GRM5: variants seen among roughly 807,000 people sequenced by gnomAD.
The protein encoded by GRM5 is glutamate metabotropic receptor 5, also known as metabotropic glutamate receptor 5.
In GRM5, 19 loss-of-function variants were observed where a neutral mutation model predicts 83.1. The ratio of observed to expected loss-of-function variants is 0.23; its 90% CI spans 0.16 to 0.34. GRM5 has a LOEUF of 0.34. Among genes scored for constraint, GRM5 ranks in the 10% least tolerant of loss-of-function variants. The pLI is 1.00. For missense variants in GRM5, 1,160 were observed against 1,588.3 expected (o/e 0.73, Z 4.58); for synonymous variants, 675 against 633.6 (o/e 1.07, Z -0.98).
At chr11:89,001,720 T>C (rs1027079988) in intron 2 of GRM5, among the ~76,000 whole-genome samples, 6 of 152,160 alleles carry the variant, frequency 3.9e-5, no homozygotes, top group African/African-American at 1.4e-4. Flanking sequence ...TTGAGACCTC[T>C]CTATATATTT....
chr11:88,584,221 C>T (rs950034575), intron 7 of GRM5, among the ~76,000 whole-genome samples: 12 of 151,490 alleles, frequency 7.9e-5, no homozygotes, highest in African/African-American at 2.9e-4. Flanking sequence ...CACACACACA[C>T]ACACACACAC....
intron 4 of GRM5, among the ~76,000 whole-genome samples, chr11:88,608,860 C>G (rs532212634): frequency 6.6e-6 from 1 of 152,078 alleles, no homozygotes; most frequent in Non-Finnish European, 1.5e-5. Context: ...GTGCCTAGAA[C>G]AATTTCTGGC....
chr11:88,691,090 T>G (rs1940771166), intron 3 of GRM5, among the ~76,000 whole-genome samples: 2 of 152,176 alleles, frequency 1.3e-5, no homozygotes, highest in Non-Finnish European at 2.9e-5. Flanking sequence ...AAACTAACGT[T>G]AAGCCCTTCA....
chr11:88,599,343 G>T (rs1207912683), intron 5 of GRM5, among the ~76,000 whole-genome samples: 2 of 152,136 alleles, frequency 1.3e-5, no homozygotes, highest in Non-Finnish European at 2.9e-5. Flanking sequence ...TAGAGACAAT[G>T]AATCCTCTCT....
In GRM5 at chr11:89,043,896, C is replaced by T. The variant is rs142234976; in HGVS notation, c.661+3316G>A. Among the ~76,000 whole-genome samples, 13 of 152,186 alleles carry T rather than the reference C, an allele frequency of 8.5e-5. No individual in the cohort carries two copies. The East Asian group carries it at 2.5e-3, about 29-fold the overall frequency. On this transcript the variant is annotated intron_variant, in intron 2 of 9. Transcript: ENST00000305447. ...TACTTCACAGGGTGACAATAGGGTTCCAACACAAACTAGGAAGAAAGTTCT... is the reference window on the plus strand; with the variant it reads ...TACTTCACAGGGTGACAATAGGGTTTCAACACAAACTAGGAAGAAAGTTCT...
chr11:88,574,985 C>CTTTTTTTTTTT (rs796257304), intron 7 of GRM5, among the ~76,000 whole-genome samples: 64 of 116,144 alleles, frequency 5.5e-4, no homozygotes, highest in African/African-American at 1.9e-3. Flanking sequence ...CTTTTCTTTT[C>CTTTTTTTTTTT]TTTTTTTTTT....
At chr11:88,568,735 T>C (rs1403358512) in intron 7 of GRM5, among the ~76,000 whole-genome samples, 1 of 152,056 alleles carries the variant, frequency 6.6e-6, no homozygotes, top group Non-Finnish European at 1.5e-5. Context: ...TGTGGGAGTG[T>C]GTGAAAAGTG....
chr11:88,726,569 A>G (rs973204496), intron 3 of GRM5, among the ~76,000 whole-genome samples: 2 of 152,194 alleles, frequency 1.3e-5, no homozygotes, highest in African/African-American at 4.8e-5. Context: ...AGGAAGAGCA[A>G]TCCCAAGACA....
chr11:88,606,846 G>C (rs1228275068), intron 4 of GRM5, among the ~76,000 whole-genome samples: 1 of 150,958 alleles, frequency 6.6e-6, no homozygotes, highest in Admixed American at 6.6e-5. Context: ...AAGACATATA[G>C]GAAGAGTGTG....
intron 2 of GRM5, among the ~76,000 whole-genome samples, chr11:88,923,324 A>T (rs768375543): frequency 8.5e-5 from 13 of 152,192 alleles, no homozygotes; most frequent in Non-Finnish European, 1.8e-4. Context: ...AGATGAATGG[A>T]TAAGGCAAAT....
At position 88,877,829 on chromosome 11, in the gene GRM5, G is replaced by GA. The variant is rs60787581; in HGVS notation, c.662-27675dup. On this transcript the variant is annotated intron_variant, in intron 2 of 9. Transcript: ENST00000305447. ...TAGGCAACAGAGAGACTCTGTGGAA[G>GA]AAAAAAAAAAAAGCAGAAAGAAAGA... 4.6e-3 allele frequency among the ~76,000 whole-genome samples: 633 copies of GA among 136,994 alleles called. 5 individuals are homozygous for GA. The highest frequency in any genetic ancestry group is 0.014 in the African/African-American group (509 of 36,906). 89.9% of individuals were successfully genotyped at this position (136,994 alleles called of 152,430 possible).
At position 88,687,561 on chromosome 11, in the gene GRM5, TTATATATATATATATATAATATATATATA is replaced by T. The variant is rs1362306738; in HGVS notation, c.912-34187_912-34159del. Reference sequence around the variant, plus strand: ...ATACACACACACACACACATATATATTATATATATATATATATAATATATATATATATATATTCTCCACATGTGCCTACC... The same window carrying T: ...ATACACACACACACACACATATATATTATATATTCTCCACATGTGCCTACC... On this transcript the variant is annotated intron_variant, in intron 3 of 9. Transcript: ENST00000305447. Among the ~76,000 whole-genome samples, 5 of 3,258 alleles carry T rather than the reference TTATATATATATATATATAATATATATATA, an allele frequency of 1.5e-3. 1 individual carries two copies. Among genetic ancestry groups the T allele is most frequent in the African/African-American group, 2.5e-3 (5 of 2,036 alleles). 2.1% of individuals were successfully genotyped at this position (3,258 alleles called of 152,430 possible).
At chr11:88,957,832 G>A (rs577769120) in intron 2 of GRM5, among the ~76,000 whole-genome samples, 3 of 151,928 alleles carry the variant, frequency 2.0e-5, no homozygotes, top group South Asian at 4.2e-4. Flanking sequence ...AATGTAAATA[G>A]AGTTTACAAA....
chr11:88,722,094 T>C (rs1941555441), intron 3 of GRM5, among the ~76,000 whole-genome samples: 1 of 152,172 alleles, frequency 6.6e-6, no homozygotes, highest in African/African-American at 2.4e-5. Flanking sequence ...TAATGGAATA[T>C]TCTCTTGGTT....
chr11:88,988,831 G>A (rs1939846178), intron 2 of GRM5, among the ~76,000 whole-genome samples: 1 of 142,512 alleles, frequency 7.0e-6, no homozygotes, highest in Admixed American at 7.1e-5. Context: ...GTCACCACCA[G>A]GCCTGCCCTA....
chr11:88,785,826 C>G (rs1013041861), intron 3 of GRM5, among the ~76,000 whole-genome samples: 3 of 152,006 alleles, frequency 2.0e-5, no homozygotes, highest in African/African-American at 7.2e-5. Context: ...TGACTATGCA[C>G]CATTTATCTT....
intron 4 of GRM5, among the ~76,000 whole-genome samples, chr11:88,643,790 T>C (rs1362747893): frequency 6.6e-6 from 1 of 152,180 alleles, no homozygotes; most frequent in East Asian, 1.9e-4. Flanking sequence ...AGTCATATTT[T>C]CAGTTTGAGA....
chr11:88,775,290 C>A (rs1394799634), intron 3 of GRM5, among the ~76,000 whole-genome samples: 1 of 70,668 alleles, frequency 1.4e-5, no homozygotes, highest in Non-Finnish European at 3.4e-5. Context: ...GGTGATATCC[C>A]CTTTATCATT....
At chr11:89,059,080 C>G (rs1418644411) in intron 1 of GRM5, among the ~76,000 whole-genome samples, 1 of 152,052 alleles carries the variant, frequency 6.6e-6, no homozygotes, top group Non-Finnish European at 1.5e-5. Context: ...AAAGTGCTCA[C>G]TATTATCACT....
Sources: allele counts gnomAD v4.1 joint callset (sites outside exome capture counted in the v4.1 genomes callset), GRCh38; gene constraint gnomAD v4.1.1; transcripts MANE v1.5; gene names NCBI Gene and HGNC (gene_info 2026-07-23, HGNC 2026-07-21).